Variants in PALLD observed in about 807,000 individuals in gnomAD.
PALLD encodes the protein palladin.
PALLD carries 61 observed loss-of-function variants against 123.5 expected under a neutral mutation model. The ratio of observed to expected loss-of-function variants is 0.49; its 90% CI spans 0.40 to 0.61. PALLD has a LOEUF of 0.61. Ranked by LOEUF, PALLD falls within the 20% of genes least tolerant of loss-of-function variation. PALLD has a pLI of 0.00. For missense variants in PALLD, 1,273 were observed against 1,377.0 expected (o/e 0.92, Z 1.20); for synonymous variants, 465 against 496.4 (o/e 0.94, Z 0.84).
intron 10 of PALLD, among the ~76,000 whole-genome samples, chr4:168,714,760 C>G (rs961446523): frequency 6.6e-6 from 1 of 150,900 alleles, no homozygotes; most frequent in Non-Finnish European, 1.5e-5. Context: ...TCGGAGGGCG[C>G]AAGTAATAGG....
intron 10 of PALLD, among the ~76,000 whole-genome samples, chr4:168,839,162 C>G (rs1273571151): frequency 6.6e-6 from 1 of 152,124 alleles, no homozygotes; most frequent in East Asian, 1.9e-4. Flanking sequence ...CCATGTTGCT[C>G]AGGCTGGTCT....
intron 10 of PALLD, among the ~76,000 whole-genome samples, chr4:168,767,574 T>C (rs1335389241): frequency 1.3e-5 from 2 of 150,884 alleles, no homozygotes; most frequent in Admixed American, 1.3e-4. Context: ...CGAGACAGAG[T>C]TTCGCTCTTG....
chr4:168,858,585 C>CCAGCTTGGGCAACA (rs1396583449), intron 10 of PALLD, among the ~76,000 whole-genome samples: 1 of 151,864 alleles, frequency 6.6e-6, no homozygotes, highest in Non-Finnish European at 1.5e-5. Context: ...GAATTGGAGA[C>CCAGCTTGGGCAACA]CAGCTTGGGC....
Position 168,511,906 on chromosome 4 carries a change from C to T in PALLD, c.402C>T (p.Ile134=). 1.2e-6 allele frequency: 2 copies of T among 1,614,192 alleles called. No homozygotes were observed. The highest frequency in any genetic ancestry group is 1.7e-6 in the Non-Finnish European group (2 of 1,180,042). The change falls in exon 2 of 22, where the codon ATC becomes ATT. Residue 134 remains isoleucine (I), a synonymous_variant. Transcript: ENST00000505667. ...CCCTGCTCACCAGGCCCAGCTACAT[C>T]CGGAGCCTCCGAAAGGCTGAAAAGC... ...MSPLLTRPSY[I]RSLRKAEKRG... is the part of the protein sequence containing the mutation.
At chr4:168,543,962 A>G (rs1374045441) in intron 2 of PALLD, among the ~76,000 whole-genome samples, 2 of 152,262 alleles carry the variant, frequency 1.3e-5, no homozygotes, top group African/African-American at 4.8e-5. Flanking sequence ...ACTCACGTAT[A>G]TGCATATATA....
chr4:168,703,470 T>C (rs1343005039), intron 8 of PALLD, among the ~76,000 whole-genome samples: 1 of 124,132 alleles, frequency 8.1e-6, no homozygotes, highest in Non-Finnish European at 1.6e-5. Context: ...TCTAGATCCC[T>C]GAGGAATCGC....
intron 10 of PALLD, among the ~76,000 whole-genome samples, chr4:168,784,057 C>T (rs1736325103): frequency 6.6e-6 from 1 of 151,892 alleles, no homozygotes; most frequent in Non-Finnish European, 1.5e-5. Context: ...CCAGCCTGGC[C>T]AACAATAATG....
At chr4:168,743,670 T>A (rs990403225) in intron 10 of PALLD, among the ~76,000 whole-genome samples, 1 of 152,164 alleles carries the variant, frequency 6.6e-6, no homozygotes, top group African/African-American at 2.4e-5. Context: ...GATAACAGTT[T>A]GAATGAGGTT....
intron 2 of PALLD, among the ~76,000 whole-genome samples, chr4:168,658,922 T>C (rs1778868623): frequency 6.6e-6 from 1 of 152,222 alleles, no homozygotes; most frequent in African/African-American, 2.4e-5. Flanking sequence ...AATTTAGCTA[T>C]TGGCCTTCGA....
chr4:168,536,772 A>C (rs1288948588), intron 2 of PALLD, among the ~76,000 whole-genome samples: 1 of 151,982 alleles, frequency 6.6e-6, no homozygotes, highest in Non-Finnish European at 1.5e-5. Context: ...ATTACAATTC[A>C]AGGTGAGATT....
At chr4:168,913,674 A>G (rs1759509488) in intron 15 of PALLD, among the ~76,000 whole-genome samples, 1 of 152,016 alleles carries the variant, frequency 6.6e-6, no homozygotes, top group Admixed American at 6.6e-5. Context: ...CATCCTAGAT[A>G]AAACAGTAAA....
intron 10 of PALLD, among the ~76,000 whole-genome samples, chr4:168,740,125 A>T (rs1319933876): frequency 6.6e-6 from 1 of 152,038 alleles, no homozygotes; most frequent in Non-Finnish European, 1.5e-5. Context: ...TAAAAAAAAA[A>T]CTTGTAAATT....
At chr4:168,862,355 C>T (rs1348976236) in intron 10 of PALLD, among the ~76,000 whole-genome samples, 1 of 151,628 alleles carries the variant, frequency 6.6e-6, no homozygotes, top group Admixed American at 6.6e-5. Flanking sequence ...ACTGTGTTGC[C>T]TAGGCTGGTC....
chr4:168,856,756 G>C (rs891111832), intron 10 of PALLD, among the ~76,000 whole-genome samples: 1 of 152,216 alleles, frequency 6.6e-6, no homozygotes, highest in African/African-American at 2.4e-5. Flanking sequence ...AACACAGGCA[G>C]TCTAACTCCA....
intron 2 of PALLD, among the ~76,000 whole-genome samples, chr4:168,556,297 G>T (rs1362658602): frequency 6.6e-6 from 1 of 151,978 alleles, no homozygotes; most frequent in Non-Finnish European, 1.5e-5. Context: ...GGGCTTCACC[G>T]TGTTAGCCAG....
At position 168,771,449 on chromosome 4, in the gene PALLD, G is replaced by A. The variant is rs555116798; in HGVS notation, c.1964+59526G>A. Among the ~76,000 whole-genome samples, 10 of 152,306 alleles carry A rather than the reference G, an allele frequency of 6.6e-5. No individual in the cohort carries two copies. The East Asian group carries it at 9.6e-4, about 15-fold the overall frequency. On this transcript the variant is annotated intron_variant, in intron 10 of 21. Coordinates refer to ENST00000505667, the MANE Select transcript of PALLD (RefSeq NM_001166108.2). ...ACGGGCTGCAACAAGCCTTGCTCTGGTGTGGTCCTGCTTATCCAATTGTTG... is the reference window on the plus strand; with the variant it reads ...ACGGGCTGCAACAAGCCTTGCTCTGATGTGGTCCTGCTTATCCAATTGTTG...
intron 10 of PALLD, among the ~76,000 whole-genome samples, chr4:168,774,758 C>T (rs1185949781): frequency 2.2e-5 from 3 of 136,578 alleles, no homozygotes; most frequent in Admixed American, 7.7e-5. Flanking sequence ...ATAGCAAATA[C>T]ATCCATCATC....
At chr4:168,767,782 G>A (rs1338236360) in intron 10 of PALLD, among the ~76,000 whole-genome samples, 1 of 152,062 alleles carries the variant, frequency 6.6e-6, no homozygotes, top group African/African-American at 2.4e-5. Context: ...CCCAACCTCA[G>A]GTAATCCACC....
chr4:168,536,897 G>C (rs565959572), intron 2 of PALLD, among the ~76,000 whole-genome samples: 1 of 150,738 alleles, frequency 6.6e-6, no homozygotes, highest in Non-Finnish European at 1.5e-5. Flanking sequence ...GCGCGATCTC[G>C]GCTCACTGCA....
Sources: allele counts gnomAD v4.1 joint callset (sites outside exome capture counted in the v4.1 genomes callset), GRCh38; gene constraint gnomAD v4.1.1; transcripts MANE v1.5; gene names NCBI Gene and HGNC (gene_info 2026-07-23, HGNC 2026-07-21).